CCDC149: variants seen among roughly 807,000 people sequenced by gnomAD.
CCDC149 encodes coiled-coil domain-containing protein 149.
Under a neutral mutation model 59.9 loss-of-function variants are expected in CCDC149, and 45 were observed. That is an observed-to-expected ratio of 0.75 (90% confidence interval 0.59 to 0.96). The LOEUF (loss-of-function observed/expected upper bound fraction) is 0.96, where lower values mean the gene tolerates loss of function less well. CCDC149 is among the 40% of genes least tolerant of loss of function. The probability of loss-of-function intolerance (pLI) is 0.00; values close to 1 mark genes in which losing one functional copy is unlikely to be tolerated. For synonymous variants in CCDC149, 245 were observed against 260.6 expected (o/e 0.94, Z 0.58); for missense variants, 584 against 664.7 (o/e 0.88, Z 1.33).
rs368751622 is a variant in CCDC149, at chr4:24,870,709, A to T, written c.264+2972T>A. Among the ~76,000 whole-genome samples the T allele has an allele frequency of 2.6e-5, 4 of 152,342 alleles. No individual in the cohort carries two copies. In the East Asian group the frequency reaches 5.8e-4, roughly 22 times the overall value. On this transcript the variant is annotated intron_variant, in intron 3 of 12. Transcript: ENST00000635206. ...GAATGTGAATTCCCCTAAAACTATA[A>T]AACTCCTTCATGAATACTAACTAAC...
chr4:24,891,291 C>T lies in CCDC149; in HGVS notation c.64-14594G>A, dbSNP rs367960527. 7.9e-5 allele frequency among the ~76,000 whole-genome samples: 12 copies of T among 152,280 alleles called. No individual in the cohort carries two copies. In the East Asian group the frequency reaches 2.3e-3, roughly 29 times the overall value. ...ATCACTGATGTTTTCAGAGGACAAACTAAATTGTAAACACTGCTCAAGGTG... is the reference window on the plus strand; with the variant it reads ...ATCACTGATGTTTTCAGAGGACAAATTAAATTGTAAACACTGCTCAAGGTG... On this transcript the variant is annotated intron_variant, in intron 1 of 12. Coordinates refer to ENST00000635206, the MANE Select transcript of CCDC149 (RefSeq NM_001330643.2).
intron 1 of CCDC149, among the ~76,000 whole-genome samples, chr4:24,922,574 C>T (rs1024323762): frequency 6.6e-6 from 1 of 152,184 alleles, no homozygotes; most frequent in Admixed American, 6.5e-5. Context: ...GATGTTCATA[C>T]AATCAGTGGC....
intron 1 of CCDC149, among the ~76,000 whole-genome samples, chr4:24,937,595 A>G (rs1311448311): frequency 6.6e-6 from 1 of 152,244 alleles, no homozygotes; most frequent in East Asian, 1.9e-4. Context: ...TCAGAGATTC[A>G]GGCTGTTAAA....
intron 3 of CCDC149, among the ~76,000 whole-genome samples, chr4:24,868,924 C>T (rs976427130): frequency 2.6e-5 from 4 of 152,190 alleles, no homozygotes; most frequent in African/African-American, 9.7e-5. Context: ...CTTTAATTTT[C>T]TCCTTTATCA....
intron 1 of CCDC149, among the ~76,000 whole-genome samples, chr4:24,911,287 A>C (rs1228835115): frequency 6.6e-6 from 1 of 152,172 alleles, no homozygotes; most frequent in African/African-American, 2.4e-5. Context: ...TCCATCCTTT[A>C]GTTCACTCTC....
At chr4:24,836,852 G>T (rs1560209453) in intron 6 of CCDC149, among the ~76,000 whole-genome samples, 1 of 152,052 alleles carries the variant, frequency 6.6e-6, no homozygotes, top group Non-Finnish European at 1.5e-5. Context: ...CATTAAGTTA[G>T]ACACACACAC....
At chr4:24,909,059 G>A (rs957867580) in intron 1 of CCDC149, among the ~76,000 whole-genome samples, 3 of 152,100 alleles carry the variant, frequency 2.0e-5, no homozygotes, top group African/African-American at 4.8e-5. Context: ...TCTTTCACAC[G>A]CATGGGTGTG....
chr4:24,875,223 G>A (rs764569556), intron 2 of CCDC149, among the ~76,000 whole-genome samples: 9 of 152,028 alleles, frequency 5.9e-5, no homozygotes, highest in East Asian at 1.9e-4. Context: ...CCAGCTACTC[G>A]GGAGGCTGAG....
chr4:24,966,760 G>T (rs1278980282), intron 1 of CCDC149, among the ~76,000 whole-genome samples: 6 of 152,226 alleles, frequency 3.9e-5, no homozygotes, highest in African/African-American at 1.2e-4. Context: ...ACCTGGTCCT[G>T]CCCAGGCACT....
chr4:24,872,190 C>CAT (rs1261909536), intron 3 of CCDC149, among the ~76,000 whole-genome samples: 1 of 152,162 alleles, frequency 6.6e-6, no homozygotes, highest in East Asian at 1.9e-4. Context: ...AGCAGATCCA[C>CAT]ATATATATAA....
intron 3 of CCDC149, among the ~76,000 whole-genome samples, chr4:24,870,817 C>A (rs1718993253): frequency 6.6e-6 from 1 of 152,072 alleles, no homozygotes; most frequent in Non-Finnish European, 1.5e-5. Flanking sequence ...TTAAGAACTC[C>A]AATTTTTAAA....
At position 24,946,256 on chromosome 4, in the gene CCDC149, A is replaced by T. The variant is rs561295996; in HGVS notation, c.-65+33813T>A. Among the ~76,000 whole-genome samples the T allele has an allele frequency of 2.0e-5, 3 of 152,182 alleles. No individual in the cohort carries two copies. In the South Asian group the frequency reaches 6.2e-4, roughly 32 times the overall value. The stretch of plus-strand genomic sequence containing the variant: ...CAATTGCCTAGCCTGAATCCTATCC[A>T]CTTTCAGGCCAGTTCTCCAGCCTCC... On this transcript the variant is annotated intron_variant, in intron 1 of 12. Coordinates refer to the CCDC149 transcript ENST00000389609.
intron 1 of CCDC149, among the ~76,000 whole-genome samples, chr4:24,881,029 C>T (rs1719810675): frequency 6.6e-6 from 1 of 152,168 alleles, no homozygotes; most frequent in African/African-American, 2.4e-5. Context: ...ACTTTGAGCA[C>T]CCAAAACTTG....
rs554654200 is a variant in CCDC149, at chr4:24,860,566, T to C, written c.265-7387A>G. Among the ~76,000 whole-genome samples the C allele has an allele frequency of 1.5e-3, 221 of 152,162 alleles. 1 individual carries two copies. Among genetic ancestry groups the C allele is most frequent in the African/African-American group, 4.7e-3 (196 of 41,540 alleles). ...CATCATGACCAGGAATACAAAAGCA[T>C]ATGCAACAAAAACAAAGATAAATAG... is the stretch of plus-strand genomic sequence containing the variant. On this transcript the variant is annotated intron_variant, in intron 3 of 12. Coordinates refer to ENST00000635206, the MANE Select transcript of CCDC149 (RefSeq NM_001330643.2).
In CCDC149 at chr4:24,807,261, CA is replaced by C; in HGVS notation, c.*1127del. The C allele has an allele frequency of 1.3e-5, 2 of 152,274 alleles. No individual in the cohort carries two copies. The highest frequency in any genetic ancestry group is 4.2e-4 in the South Asian group (2 of 4,818). The allele number at this position is 152,274 out of a possible 1,614,324, so 9.4% of individuals were successfully genotyped here. A position where few individuals can be genotyped will look rare whatever the true frequency, so the allele number is the denominator to read the frequency against. On this transcript the variant is annotated 3_prime_UTR_variant, in exon 13 of 13. Transcript: ENST00000635206. The stretch of plus-strand genomic sequence containing the variant: ...TCATTTTTATCTGAAAGGAAAGAAC[CA>C]GCTAGAATTGAGCATGCCCTCCTTT...
chr4:24,895,723 A>G lies in CCDC149; in HGVS notation c.63+17094T>C, dbSNP rs1048615014. On this transcript the variant is annotated intron_variant, in intron 1 of 12. Coordinates refer to ENST00000635206, the MANE Select transcript of CCDC149 (RefSeq NM_001330643.2). ...GGTGAGTCTGAGGTGTTACTAGATT[A>G]TCTCACTTTCTTGGAGCCTCTGCTC... Among the ~76,000 whole-genome samples, 11 of 152,088 alleles carry G rather than the reference A, an allele frequency of 7.2e-5. No individual in the cohort carries two copies. The East Asian group carries it at 2.1e-3, about 29-fold the overall frequency.
chr4:24,813,525 T>TATATATATAA (rs1252452441), intron 12 of CCDC149, among the ~76,000 whole-genome samples: 2 of 83,014 alleles, frequency 2.4e-5, no homozygotes, highest in Admixed American at 1.4e-4. Flanking sequence ...TATATATATA[T>TATATATATAA]ATAAAACCTA....
chr4:24,828,977 T>A (rs1283592788), intron 9 of CCDC149: 1 of 152,370 alleles, frequency 6.6e-6, no homozygotes, highest in Non-Finnish European at 1.5e-5. Flanking sequence ...AGTGAATCAA[T>A]CTGTCAGAGG....
chr4:24,852,287 T>TACACACACACACACACAC (rs768071017), intron 4 of CCDC149, among the ~76,000 whole-genome samples: 1 of 121,282 alleles, frequency 8.2e-6, no homozygotes, highest in African/African-American at 3.3e-5. Context: ...CAACACACCA[T>TACACACACACACACACAC]ACACACACAC....
Sources: allele counts gnomAD v4.1 joint callset (sites outside exome capture counted in the v4.1 genomes callset), GRCh38; gene constraint gnomAD v4.1.1; transcripts MANE v1.5; gene names NCBI Gene and HGNC (gene_info 2026-07-23, HGNC 2026-07-21).